Variants in EHMT1 observed in about 807,000 individuals in gnomAD.
EHMT1 encodes the protein euchromatic histone lysine methyltransferase 1.
In EHMT1, 15 loss-of-function variants were observed where a neutral mutation model predicts 147.2. The ratio of observed to expected loss-of-function variants is 0.10; its 90% CI spans 0.07 to 0.16. EHMT1 has a LOEUF of 0.16. Among genes scored for constraint, EHMT1 ranks in the 10% least tolerant of loss-of-function variants. EHMT1 has a pLI of 1.00. For missense variants in EHMT1, 1,587 were observed against 1,772.4 expected (o/e 0.90, Z 1.88); for synonymous variants, 795 against 709.6 (o/e 1.12, Z -1.91).
intron 1 of EHMT1, among the ~76,000 whole-genome samples, chr9:137,623,587 A>T (rs903664708): frequency 6.6e-6 from 1 of 151,698 alleles, no homozygotes; most frequent in Non-Finnish European, 1.5e-5. Context: ...TGCCTGGCTA[A>T]TTTTTGTATT....
rs1165304141 is a variant in EHMT1, at chr9:137,787,647, G to A, written c.2383-3201G>A. 7.0e-6 allele frequency: 4 copies of A among 568,514 alleles called. No homozygotes were observed. The highest frequency in any genetic ancestry group is 3.0e-5 in the Admixed American group (1 of 33,728). 35.2% of individuals were successfully genotyped at this position (568,514 alleles called of 1,614,324 possible). A position where few individuals can be genotyped will look rare whatever the true frequency, so the allele number is the denominator to read the frequency against. On this transcript the variant is annotated intron_variant, in intron 15 of 26. Coordinates refer to ENST00000460843, the MANE Select transcript of EHMT1 (RefSeq NM_024757.5). This position sits in a 1 kb window ranked among gnomAD's most constrained non-coding sequence, Gnocchi z 4.2. ...TGGGGGTGGAAGCGGGAGGGAGGAG[G>A]GGCCTGTCTTAAGAGCCTCACAGGC... is the stretch of plus-strand genomic sequence containing the variant.
chr9:137,754,175 C>A lies in EHMT1; in HGVS notation c.1253C>A (p.Ser418Ter). The A allele has an allele frequency of 6.2e-7, 1 of 1,613,986 alleles. No homozygotes were observed. Among genetic ancestry groups the A allele is most frequent in the South Asian group, 1.1e-5 (1 of 91,044 alleles). Residue 418 changes from serine to a stop codon, truncating the protein, a stop_gained, in exon 8 of 27, where the codon TCG becomes TAG. Coordinates refer to ENST00000460843, the MANE Select transcript of EHMT1 (RefSeq NM_024757.5). LOFTEE classifies it high-confidence loss of function. ...CCTGCCCGTTTGGTTCTCCAGAGTT[C>A]GGAATCCAGCATTAAGAAGAAATTT... ...EEGGDESDLS[S>*]ESSIKKKFLK...
At chr9:137,702,772 T>C (rs1407487347) in intron 1 of EHMT1, among the ~76,000 whole-genome samples, 2 of 152,256 alleles carry the variant, frequency 1.3e-5, no homozygotes, top group East Asian at 3.8e-4. Context: ...ACTGCCCTAG[T>C]AGAGGCTCTC....
At chr9:137,701,185 A>C (rs1279565348) in intron 1 of EHMT1, among the ~76,000 whole-genome samples, 4 of 152,186 alleles carry the variant, frequency 2.6e-5, no homozygotes, top group Non-Finnish European at 5.9e-5. Context: ...TGAGGATTAC[A>C]GTTAAACATG....
chr9:137,624,798 A>G (rs999397809), intron 1 of EHMT1, among the ~76,000 whole-genome samples: 2 of 150,314 alleles, frequency 1.3e-5, no homozygotes, highest in Non-Finnish European at 3.0e-5. Flanking sequence ...GGGCCTTGCC[A>G]TGTTGCCCAG....
intron 1 of EHMT1, among the ~76,000 whole-genome samples, chr9:137,668,467 A>C (rs1264297522): frequency 6.6e-6 from 1 of 152,110 alleles, no homozygotes; most frequent in South Asian, 2.1e-4. Context: ...ACATCCATCT[A>C]TTCACCAACC....
At chr9:137,721,020 C>A (rs976762172) in intron 3 of EHMT1, among the ~76,000 whole-genome samples, 4 of 77,668 alleles carry the variant, frequency 5.2e-5, no homozygotes, top group African/African-American at 9.8e-5. Context: ...CCGGCGTCCT[C>A]GCCAGCGTTA....
intron 15 of EHMT1, among the ~76,000 whole-genome samples, chr9:137,789,719 G>A (rs1417986339): frequency 6.6e-6 from 1 of 151,988 alleles, no homozygotes; most frequent in Non-Finnish European, 1.5e-5. Context: ...TCTGTTTTGT[G>A]GTTTTTTGTT....
intron 1 of EHMT1, among the ~76,000 whole-genome samples, chr9:137,706,510 G>A (rs534046680): frequency 6.6e-5 from 10 of 152,308 alleles, no homozygotes; most frequent in East Asian, 1.9e-4. Context: ...TTTTTGAGAC[G>A]GAGTCTCGCT....
intron 1 of EHMT1, among the ~76,000 whole-genome samples, chr9:137,674,087 G>A (rs1266475725): frequency 6.6e-6 from 1 of 152,190 alleles, no homozygotes; most frequent in Non-Finnish European, 1.5e-5. Flanking sequence ...GAGGCAGTGG[G>A]GCGATCCAGG....
At chr9:137,765,681 C>CT (rs1208322492) in intron 10 of EHMT1, among the ~76,000 whole-genome samples, 2 of 60 alleles carry the variant, frequency 0.033, no homozygotes, top group Non-Finnish European at 0.043. Flanking sequence ...GCCCCCGCCG[C>CT]CCCAGCCTGT....
At position 137,754,077 on chromosome 9, in the gene EHMT1, G is replaced by T. The variant is rs1473465140; in HGVS notation, c.1249-94G>T. The T allele has an allele frequency of 5.7e-6, 9 of 1,585,850 alleles. No homozygotes were observed. In the African/African-American group the frequency reaches 1.1e-4, roughly 19 times the overall value. On this transcript the variant is annotated intron_variant, in intron 7 of 26. Coordinates refer to ENST00000460843, the MANE Select transcript of EHMT1 (RefSeq NM_024757.5). ...TTAATTGAAGATCAAGACATAGCCAGTGTTCTGTTTTGCAAGAAAACACTT... is the reference window on the plus strand; with the variant it reads ...TTAATTGAAGATCAAGACATAGCCATTGTTCTGTTTTGCAAGAAAACACTT...
intron 1 of EHMT1, among the ~76,000 whole-genome samples, chr9:137,624,035 T>C (rs1318649015): frequency 6.7e-6 from 1 of 148,466 alleles, no homozygotes; most frequent in Non-Finnish European, 1.5e-5. Context: ...AGTCTTACCC[T>C]GTTGCCCAGG....
chr9:137,680,223 CAGCACTCTGGG>C (rs1564578752), intron 1 of EHMT1, among the ~76,000 whole-genome samples: 1 of 152,144 alleles, frequency 6.6e-6, no homozygotes, highest in African/African-American at 2.4e-5. Context: ...CCCATAATCC[CAGCACTCTGGG>C]AGGCCGAGGC....
chr9:137,802,462 T>C (rs1953576317), intron 18 of EHMT1: 2 of 398,362 alleles, frequency 5.0e-6, no homozygotes, highest in Non-Finnish European at 8.8e-6. Context: ...CCCACTAAAT[T>C]GATAATAAGA....
At chr9:137,723,184 T>C (rs1290395144) in intron 3 of EHMT1, among the ~76,000 whole-genome samples, 4 of 108,942 alleles carry the variant, frequency 3.7e-5, no homozygotes, top group Non-Finnish European at 5.7e-5. Flanking sequence ...GTCCGGGGTG[T>C]GCCTGTGTCT....
At chr9:137,755,486 G>T (rs903086687) in intron 8 of EHMT1, among the ~76,000 whole-genome samples, 3 of 152,198 alleles carry the variant, frequency 2.0e-5, no homozygotes, top group African/African-American at 7.2e-5. Context: ...CCGTCCATGG[G>T]CTTTGGGCTC....
intron 1 of EHMT1, chr9:137,637,751 G>A (rs1240906384): frequency 3.3e-5 from 5 of 152,218 alleles, no homozygotes; most frequent in Admixed American, 6.5e-5. Context: ...TGAAGCACTG[G>A]TTATCACGCC....
intron 10 of EHMT1, among the ~76,000 whole-genome samples, chr9:137,768,299 T>C (rs1438222187): frequency 6.6e-6 from 1 of 151,894 alleles, no homozygotes; most frequent in Non-Finnish European, 1.5e-5. Context: ...ATCGTAATAG[T>C]TTTTCCACTT....
Sources: gnomAD v4.1 joint callset for allele counts (sites outside exome capture counted in the v4.1 genomes callset) on GRCh38, gnomAD v4.1.1 for gene constraint, Gnocchi (gnomAD v3.1) non-coding constraint, MANE v1.5 for transcripts, NCBI Gene and HGNC (gene_info 2026-07-23, HGNC 2026-07-21) for gene names.